DMD: variants seen among roughly 807,000 people sequenced by gnomAD.
DMD encodes dystrophin.
Under a neutral mutation model 330.1 loss-of-function variants are expected in DMD, and 63 were observed. The ratio of observed to expected loss-of-function variants is 0.19; its 90% CI spans 0.16 to 0.24. The LOEUF (loss-of-function observed/expected upper bound fraction) is 0.24, where lower values mean the gene tolerates loss of function less well. DMD is among the 10% of genes least tolerant of loss of function. The pLI is 1.00. For synonymous variants in DMD, 1,223 were observed against 959.8 expected (o/e 1.27, Z -5.07); for missense variants, 3,344 against 2,684.1 (o/e 1.25, Z -5.43).
At chrX:32,848,177 C>T (rs991423646) in intron 3 of DMD, among the ~76,000 whole-genome samples, 2 of 111,522 alleles carry the variant, frequency 1.8e-5, no homozygotes, top group African/African-American at 3.3e-5. Context: ...TAACAGAGGG[C>T]CAGGACAAGA....
chrX:31,781,481 T>C (rs776921366), intron 50 of DMD, among the ~76,000 whole-genome samples: 1 of 112,087 alleles, frequency 8.9e-6, no homozygotes, highest in Non-Finnish European at 1.9e-5. Flanking sequence ...AAATATGGAT[T>C]GTAACAATCA....
chrX:31,980,010 T>C (rs2095465801), intron 44 of DMD, among the ~76,000 whole-genome samples: 1 of 112,293 alleles, frequency 8.9e-6, no homozygotes, highest in African/African-American at 3.2e-5. Flanking sequence ...ACATATTCTG[T>C]AAGATAGCAA....
intron 44 of DMD, among the ~76,000 whole-genome samples, chrX:32,103,833 G>A (rs780039888): frequency 8.9e-6 from 1 of 111,799 alleles, no homozygotes; most frequent in South Asian, 3.7e-4. Context: ...TTCACACAGT[G>A]CACAATCTTA....
chrX:33,159,066 C>T (rs1394566476), intron 1 of DMD: 1 of 111,814 alleles, frequency 8.9e-6, no homozygotes, highest in Non-Finnish European at 1.9e-5. Context: ...GTCACACCTA[C>T]CTTCCAATAA....
Position 31,449,769 on chromosome X carries a change from T to G in DMD, c.8938-5142A>C, listed in dbSNP as rs1011068335. 5.4e-3 allele frequency among the ~76,000 whole-genome samples: 368 copies of G among 68,194 alleles called. 1 individual carries two copies. Among genetic ancestry groups the G allele is most frequent in the African/African-American group, 0.016 (271 of 17,184 alleles). 59.2% of individuals were successfully genotyped at this position (68,194 alleles called of 115,157 possible). A position where few individuals can be genotyped will look rare whatever the true frequency, so the allele number is the denominator to read the frequency against. ...GTTTATTTATAAATGGTGTGATATATATATATATATATATATATATATATA... is the reference window on the plus strand; with the variant it reads ...GTTTATTTATAAATGGTGTGATATAGATATATATATATATATATATATATA... On this transcript the variant is annotated intron_variant, in intron 59 of 78. Transcript: ENST00000357033.
At chrX:32,833,278 GA>G (rs1356827842) in intron 4 of DMD, among the ~76,000 whole-genome samples, 1 of 110,677 alleles carries the variant, frequency 9.0e-6, no homozygotes, top group African/African-American at 3.3e-5. Context: ...TGACAATAAA[GA>G]ATTGAGGCAG....
At chrX:32,334,549 A>G (rs1299314742) in intron 41 of DMD, among the ~76,000 whole-genome samples, 1 of 111,796 alleles carries the variant, frequency 8.9e-6, no homozygotes, top group Admixed American at 9.6e-5. Flanking sequence ...CTAGGCTCAG[A>G]CATTATTTTA....
chrX:31,316,815 A>T (rs934464947), intron 62 of DMD, among the ~76,000 whole-genome samples: 2 of 112,003 alleles, frequency 1.8e-5, no homozygotes, highest in Non-Finnish European at 3.8e-5. Flanking sequence ...CCTTTTGAAA[A>T]GTCAGAGCAT....
chrX:31,433,737 G>A (rs1381976000), intron 60 of DMD, among the ~76,000 whole-genome samples: 1 of 111,575 alleles, frequency 9.0e-6, no homozygotes, highest in African/African-American at 3.3e-5. Context: ...GGGATCACAG[G>A]CGTGAGCCAC....
At chrX:31,706,147 TAA>T (rs59287838) in intron 52 of DMD, among the ~76,000 whole-genome samples, 6 of 83,102 alleles carry the variant, frequency 7.2e-5, no homozygotes, top group Non-Finnish European at 2.4e-5. Flanking sequence ...TTTTAGCTGT[TAA>T]AAAAAAAAAA....
chrX:31,156,176 C>T (rs762821259), intron 74 of DMD, among the ~76,000 whole-genome samples: 7 of 111,329 alleles, frequency 6.3e-5, no homozygotes, highest in African/African-American at 9.8e-5. Context: ...TGGCAGGACC[C>T]CTCCAGGCTC....
intron 9 of DMD, among the ~76,000 whole-genome samples, chrX:32,682,825 G>T (rs777301226): frequency 8.9e-6 from 1 of 111,954 alleles, no homozygotes; most frequent in South Asian, 3.7e-4. Flanking sequence ...AACTGAAGCA[G>T]ATATGTCACT....
intron 7 of DMD, among the ~76,000 whole-genome samples, chrX:32,807,143 AAAAAAAC>A (rs1358373816): frequency 5.5e-4 from 57 of 104,158 alleles, no homozygotes; most frequent in African/African-American, 2.0e-3. Flanking sequence ...AAAAAAAAAA[AAAAAAAC>A]ATCAACAAAT....
rs749492077 is a variant in DMD, at chrX:33,328,596, T to C, written c.7+10663A>G. On this transcript the variant is annotated intron_variant, in intron 1 of 17. Transcript: ENST00000288447. ...ATGAGATTAATCACGCATCACTCTA[T>C]ACTTGCTATTAAAATTACTATGTCA... Among the ~76,000 whole-genome samples, 19 of 111,638 alleles carry C rather than the reference T, an allele frequency of 1.7e-4. No individual in the cohort carries two copies. The South Asian group carries it at 7.2e-3, about 42-fold the overall frequency.
intron 7 of DMD, among the ~76,000 whole-genome samples, chrX:32,720,732 T>A (rs1409764827): frequency 8.9e-6 from 1 of 111,774 alleles, no homozygotes; most frequent in Non-Finnish European, 1.9e-5. Context: ...TTTCTCATAA[T>A]GTATGCATAG....
intron 43 of DMD, among the ~76,000 whole-genome samples, chrX:32,229,089 T>G (rs111931446): frequency 0.05 from 5,544 of 110,447 alleles, 296 homozygotes; most frequent in African/African-American, 0.16. Flanking sequence ...TGTTTTTTGT[T>G]TCTTGTTTTT....
At chrX:32,615,505 A>G (rs1281097803) in intron 11 of DMD, among the ~76,000 whole-genome samples, 2 of 111,831 alleles carry the variant, frequency 1.8e-5, no homozygotes, top group African/African-American at 6.5e-5. Context: ...AGAAGTGCTG[A>G]TGGTTATTTT....
At chrX:32,521,471 C>T (rs1198652758) in intron 17 of DMD, among the ~76,000 whole-genome samples, 1 of 103,063 alleles carries the variant, frequency 9.7e-6, no homozygotes, top group African/African-American at 3.4e-5. Context: ...GATGTCAAGA[C>T]CTAGTTCATT....
At position 32,873,027 on chromosome X, in the gene DMD, G is replaced by A. The variant is rs148162162; in HGVS notation, c.94-23207C>T. On this transcript the variant is annotated intron_variant, in intron 2 of 78. Transcript: ENST00000357033. ...GGTAAATCTCCTTCTCTCACTCACT[G>A]TTGATCATAATTGCTTTATCAATTG... 3.5e-3 allele frequency among the ~76,000 whole-genome samples: 387 copies of A among 111,595 alleles called. 12 individuals carry two copies. The East Asian group carries it at 0.067, about 19-fold the overall frequency.
Sources: allele counts gnomAD v4.1 joint callset (sites outside exome capture counted in the v4.1 genomes callset), GRCh38; gene constraint gnomAD v4.1.1; transcripts MANE v1.5; gene names NCBI Gene and HGNC (gene_info 2026-07-23, HGNC 2026-07-21).